The following AOAH variants were observed in gnomAD, a reference collection of about 807,000 sequenced individuals.
AOAH encodes the protein acyloxyacyl hydrolase (neutrophil).
In AOAH, 64 loss-of-function variants were observed where a neutral mutation model predicts 92.2. That is an observed-to-expected ratio of 0.69 (90% confidence interval 0.57 to 0.86). The LOEUF (loss-of-function observed/expected upper bound fraction) is 0.86, where lower values mean the gene tolerates loss of function less well. Among genes scored for constraint, AOAH ranks in the 40% least tolerant of loss-of-function variants. AOAH has a pLI of 0.00. For missense variants in AOAH, 656 were observed against 694.6 expected (o/e 0.94, Z 0.62); for synonymous variants, 263 against 254.5 (o/e 1.03, Z -0.32).
rs574975711 is a variant in AOAH at position 36,654,754 on chromosome 7, G to A, written c.390+4412C>T. 1.2e-3 allele frequency among the ~76,000 whole-genome samples: 177 copies of A among 152,296 alleles called. 1 individual carries two copies. The highest frequency in any genetic ancestry group is 4.2e-3 in the African/African-American group (173 of 41,544). On this transcript the variant is annotated intron_variant, in intron 4 of 20. Coordinates refer to ENST00000617537, the MANE Select transcript of AOAH (RefSeq NM_001637.4). ...GCTTATGAGGAATTAGCTGGCCCAGGAGCAGTGGTTCCATTCAATGTGACA... is the reference window on the plus strand; with the variant it reads ...GCTTATGAGGAATTAGCTGGCCCAGAAGCAGTGGTTCCATTCAATGTGACA...
At chr7:36,554,220 G>A (rs1322606990) in intron 13 of AOAH, among the ~76,000 whole-genome samples, 8 of 152,254 alleles carry the variant, frequency 5.3e-5, no homozygotes, top group Admixed American at 1.3e-4. Context: ...AGTTTTCCCA[G>A]CACCATTTAT....
intron 11 of AOAH, among the ~76,000 whole-genome samples, chr7:36,603,254 A>G (rs548463246): frequency 5.9e-5 from 9 of 151,664 alleles, no homozygotes; most frequent in African/African-American, 1.7e-4. Flanking sequence ...CATGTCCCCA[A>G]CCTCTCCTGA....
chr7:36,552,081 G>T (rs2116350786), intron 13 of AOAH, among the ~76,000 whole-genome samples: 1 of 152,250 alleles, frequency 6.6e-6, no homozygotes, highest in East Asian at 1.9e-4. Context: ...GGATACATGT[G>T]TAGGTTTGTT....
At position 36,627,723 on chromosome 7, in the gene AOAH, G is replaced by T. The variant is rs140218714; in HGVS notation, c.521+4313C>A. ...CCCCTCTTCAGATGTTCAGATTTCT[G>T]GCCACACGACATTCTATTCAATGAC... On this transcript the variant is annotated intron_variant, in intron 6 of 20. Transcript: ENST00000617537. 4.8e-3 allele frequency among the ~76,000 whole-genome samples: 732 copies of T among 152,114 alleles called. 3 individuals carry two copies. The highest frequency in any genetic ancestry group is 7.9e-3 in the Non-Finnish European group (539 of 67,986).
intron 13 of AOAH, among the ~76,000 whole-genome samples, chr7:36,561,044 T>C (rs1460607878): frequency 8.7e-6 from 1 of 115,334 alleles, no homozygotes; most frequent in Non-Finnish European, 1.9e-5. Context: ...TGGGAACTTT[T>C]TTTTTTTTTT....
intron 2 of AOAH, among the ~76,000 whole-genome samples, chr7:36,678,581 GTGTGTGTGTGTGTGTGTGT>G (rs1562687951): frequency 1.1e-4 from 14 of 126,130 alleles, no homozygotes; most frequent in African/African-American, 5.6e-4. Context: ...GTGTGTGTGT[GTGTGTGTGTGTGTGTGTGT>G]GCGCGCGCGC....
intron 11 of AOAH, among the ~76,000 whole-genome samples, chr7:36,596,452 A>G (rs1233144574): frequency 6.6e-6 from 1 of 152,232 alleles, no homozygotes; most frequent in African/African-American, 2.4e-5. Context: ...GTTTGGAAAT[A>G]GAGTCGTTGC....
At chr7:36,609,131 A>C (rs2115831302) in intron 11 of AOAH, among the ~76,000 whole-genome samples, 1 of 152,232 alleles carries the variant, frequency 6.6e-6, no homozygotes, top group African/African-American at 2.4e-5. Context: ...ATCTTGAGGA[A>C]CCCTCATAAA....
chr7:36,517,361 G>A (rs1783845832), intron 20 of AOAH, among the ~76,000 whole-genome samples: 1 of 150,660 alleles, frequency 6.6e-6, no homozygotes, highest in South Asian at 2.1e-4. Context: ...CCAGATCTCG[G>A]CTCACCGGAA....
At chr7:36,699,637 G>GTTT (rs377319409) in intron 1 of AOAH, among the ~76,000 whole-genome samples, 1 of 134,532 alleles carries the variant, frequency 7.4e-6, no homozygotes, top group African/African-American at 2.7e-5. Context: ...TGGATTATTT[G>GTTT]TTTTTTTTTT....
Position 36,659,192 on chromosome 7 carries a change from A to G in AOAH, c.364T>C (p.Leu122=), listed in dbSNP as rs771947022. The change falls in exon 4 of 21, where the codon TTG becomes CTG. Residue 122 remains leucine (L), a synonymous_variant. Transcript: ENST00000617537. Reference sequence around the variant, plus strand: ...TTGGGAAGAGGGTAGAGATGACACAATGGTTGGCCAGTGTTCTGTTTACAA... The same window carrying G: ...TTGGGAAGAGGGTAGAGATGACACAGTGGTTGGCCAGTGTTCTGTTTACAA... The part of the protein sequence containing the change: ...EFCKQNTGQP[L]CHLYPLPKET... 6.2e-7 allele frequency: 1 copy of G among 1,613,882 alleles called. No individual in the cohort carries two copies. Among genetic ancestry groups the G allele is most frequent in the South Asian group, 1.1e-5 (1 of 91,086 alleles).
rs74806794 is a variant in AOAH, at chr7:36,682,053, T to C, written c.223+4646A>G. On this transcript the variant is annotated intron_variant, in intron 2 of 20. Transcript: ENST00000617537. ...GCTGACAGGTGTTGAGCAGAAAGCA[T>C]GGCAGGCCAATTAGAGAACAGCCAC... Among the ~76,000 whole-genome samples, 415 of 152,326 alleles carry C rather than the reference T, an allele frequency of 2.7e-3. 2 individuals carry two copies. The highest frequency in any genetic ancestry group is 0.021 in the East Asian group (110 of 5,188).
At chr7:36,694,313 A>G (rs1034307229) in intron 1 of AOAH, among the ~76,000 whole-genome samples, 3 of 152,014 alleles carry the variant, frequency 2.0e-5, no homozygotes, top group African/African-American at 7.2e-5. Context: ...CCTGCCCAAC[A>G]TGGCAAAATC....
intron 5 of AOAH, among the ~76,000 whole-genome samples, chr7:36,637,058 C>G (rs1459197768): frequency 2.6e-5 from 4 of 152,210 alleles, no homozygotes; most frequent in Non-Finnish European, 5.9e-5. Context: ...TAAAGATCTA[C>G]TTTTCTGCTT....
At chr7:36,713,820 C>T (rs1798942878) in intron 1 of AOAH, among the ~76,000 whole-genome samples, 1 of 152,208 alleles carries the variant, frequency 6.6e-6, no homozygotes, top group African/African-American at 2.4e-5. Context: ...GGGACACATT[C>T]AAAGCAGCGT....
At chr7:36,629,682 T>A (rs926355110) in intron 6 of AOAH, among the ~76,000 whole-genome samples, 1 of 152,202 alleles carries the variant, frequency 6.6e-6, no homozygotes, top group Non-Finnish European at 1.5e-5. Flanking sequence ...ACTGTTTAAC[T>A]CTTGGATCTC....
chr7:36,631,825 T>A (rs1032145278), intron 6 of AOAH, among the ~76,000 whole-genome samples: 2 of 152,208 alleles, frequency 1.3e-5, no homozygotes, highest in Non-Finnish European at 2.9e-5. Flanking sequence ...AGCTTTGAGA[T>A]GCAAAGATGC....
At chr7:36,710,588 A>G (rs1236690407) in intron 1 of AOAH, among the ~76,000 whole-genome samples, 1 of 152,224 alleles carries the variant, frequency 6.6e-6, no homozygotes, top group Non-Finnish European at 1.5e-5. Flanking sequence ...ATGTGCAGAA[A>G]CTGTGAGGTA....
At chr7:36,679,471 T>C (rs1236340666) in intron 2 of AOAH, among the ~76,000 whole-genome samples, 1 of 151,332 alleles carries the variant, frequency 6.6e-6, no homozygotes, top group Non-Finnish European at 1.5e-5. Flanking sequence ...GTCTTGTTAT[T>C]TGTAGTATAC....
Sources: gnomAD v4.1 joint callset for allele counts (sites outside exome capture counted in the v4.1 genomes callset) on GRCh38, gnomAD v4.1.1 for gene constraint, MANE v1.5 for transcripts, NCBI Gene and HGNC (gene_info 2026-07-23, HGNC 2026-07-21) for gene names.